Variants in PDE4D observed in about 807,000 individuals in gnomAD.
The protein encoded by PDE4D is phosphodiesterase 4D, also known as 3',5'-cyclic-AMP phosphodiesterase 4D.
PDE4D carries 24 observed loss-of-function variants against 87.4 expected under a neutral mutation model. The observed-to-expected ratio is 0.27, with a 90% confidence interval of 0.20 to 0.39. The LOEUF (loss-of-function observed/expected upper bound fraction) is 0.39, where lower values mean the gene tolerates loss of function less well. Among genes scored for constraint, PDE4D ranks in the 10% least tolerant of loss-of-function variants. The pLI is 1.00. For synonymous variants in PDE4D, 384 were observed against 383.2 expected, an observed-to-expected ratio of 1.00 and a Z score of -0.02; for missense variants, 714 against 1,041.0, an observed-to-expected ratio of 0.69 and a Z score of 4.32.
chr5:59,428,540 G>A (rs1326180286), intron 1 of PDE4D, among the ~76,000 whole-genome samples: 1 of 151,948 alleles, frequency 6.6e-6, no homozygotes, highest in East Asian at 1.9e-4. Flanking sequence ...CTTAGTCCCA[G>A]CAAGCATTCT....
intron 6 of PDE4D, among the ~76,000 whole-genome samples, chr5:59,002,404 G>A (rs1168942698): frequency 1.3e-5 from 2 of 152,038 alleles, no homozygotes; most frequent in Admixed American, 1.3e-4. Context: ...GTGCATGACT[G>A]CTGAGGCTAA....
chr5:60,084,210 G>A (rs544388409), intron 2 of PDE4D, among the ~76,000 whole-genome samples: 2 of 152,160 alleles, frequency 1.3e-5, no homozygotes, highest in South Asian at 4.1e-4. Flanking sequence ...CATAGAAATG[G>A]TGTTTTAAAC....
At chr5:59,742,739 TATC>T (rs1313990276) in intron 1 of PDE4D, among the ~76,000 whole-genome samples, 1 of 152,184 alleles carries the variant, frequency 6.6e-6, no homozygotes, top group African/African-American at 2.4e-5. Context: ...GGAATTCTGT[TATC>T]ATTTTGCATT....
intron 1 of PDE4D, among the ~76,000 whole-genome samples, chr5:60,219,688 G>C (rs753974808): frequency 1.3e-5 from 2 of 152,240 alleles, no homozygotes; most frequent in Middle Eastern, 3.4e-3. Flanking sequence ...GCAAACCAGT[G>C]GTTCTAAACC....
chr5:60,259,827 C>T (rs982127328), intron 1 of PDE4D, among the ~76,000 whole-genome samples: 5 of 152,016 alleles, frequency 3.3e-5, no homozygotes, highest in Non-Finnish European at 7.4e-5. Flanking sequence ...ATAAACTCAT[C>T]CACAGTCAAG....
chr5:60,167,442 G>T (rs1783029472), intron 2 of PDE4D, among the ~76,000 whole-genome samples: 2 of 151,396 alleles, frequency 1.3e-5, no homozygotes, highest in Admixed American at 1.3e-4. Flanking sequence ...CTAATTTTTT[G>T]TATTTTTAGT....
intron 5 of PDE4D, among the ~76,000 whole-genome samples, chr5:59,146,448 T>G (rs1003123275): frequency 2.0e-5 from 3 of 152,136 alleles, no homozygotes; most frequent in African/African-American, 7.2e-5. Flanking sequence ...TTAAAAAAAG[T>G]TCTAGGGTGG....
At chr5:59,471,967 A>G (rs996173284) in intron 1 of PDE4D, among the ~76,000 whole-genome samples, 1 of 152,176 alleles carries the variant, frequency 6.6e-6, no homozygotes, top group African/African-American at 2.4e-5. Flanking sequence ...AATGGTTAAT[A>G]TATAACAATT....
rs2153637856 is a variant in PDE4D at position 59,445,261 on chromosome 5, A to G, written c.456-229293T>C. ...TGCCTATATTTAAATCAAGATAAAT[A>G]AGTCAATTTTAGTGAAGGAAGAATC... is the stretch of plus-strand genomic sequence containing the variant. On this transcript the variant is annotated intron_variant, in intron 1 of 14. Coordinates refer to ENST00000340635, the MANE Select transcript of PDE4D (RefSeq NM_001104631.2). 2.0e-5 allele frequency among the ~76,000 whole-genome samples: 3 copies of G among 152,366 alleles called. No individual in the cohort carries two copies. In the Middle Eastern group the frequency reaches 0.01, roughly 518 times the overall value.
At chr5:59,545,001 C>T (rs980537316) in intron 1 of PDE4D, among the ~76,000 whole-genome samples, 2 of 152,172 alleles carry the variant, frequency 1.3e-5, no homozygotes, top group African/African-American at 2.4e-5. Context: ...TGATTTTATA[C>T]ATTATCATCT....
At chr5:60,162,197 G>A (rs1481415546) in intron 2 of PDE4D, among the ~76,000 whole-genome samples, 1 of 152,078 alleles carries the variant, frequency 6.6e-6, no homozygotes, top group Non-Finnish European at 1.5e-5. Flanking sequence ...TAAAAGAGAC[G>A]TTAGCAAAAT....
At chr5:58,998,661 G>C (rs185216466) in intron 6 of PDE4D, among the ~76,000 whole-genome samples, 2 of 152,084 alleles carry the variant, frequency 1.3e-5, no homozygotes, top group African/African-American at 4.8e-5. Flanking sequence ...CAAAGCAAAC[G>C]ACAAACACTC....
chr5:58,980,033 G>A (rs1330856422), intron 11 of PDE4D, among the ~76,000 whole-genome samples: 1 of 152,140 alleles, frequency 6.6e-6, no homozygotes, highest in Non-Finnish European at 1.5e-5. Context: ...GTGTTAAATG[G>A]TTTATGTGAA....
At chr5:59,789,952 A>G (rs1365898827) in intron 1 of PDE4D, among the ~76,000 whole-genome samples, 1 of 152,222 alleles carries the variant, frequency 6.6e-6, no homozygotes, top group African/African-American at 2.4e-5. Context: ...ATGGAAGTTG[A>G]AAAGCAGGAA....
At chr5:60,249,051 T>C (rs1175618559) in intron 1 of PDE4D, among the ~76,000 whole-genome samples, 3 of 152,042 alleles carry the variant, frequency 2.0e-5, no homozygotes, top group African/African-American at 7.2e-5. Flanking sequence ...GCCTGAGTGA[T>C]AGCAGGAAAT....
intron 2 of PDE4D, among the ~76,000 whole-genome samples, chr5:60,068,290 T>C (rs1772329332): frequency 6.6e-6 from 1 of 152,172 alleles, no homozygotes; most frequent in African/African-American, 2.4e-5. Context: ...TGATATTTCA[T>C]TATAGTTTTA....
intron 5 of PDE4D, among the ~76,000 whole-genome samples, chr5:59,165,905 A>G (rs1408276078): frequency 6.6e-6 from 1 of 152,140 alleles, no homozygotes; most frequent in African/African-American, 2.4e-5. Flanking sequence ...AACTAAGAAC[A>G]GTTGTGGGGA....
intron 1 of PDE4D, among the ~76,000 whole-genome samples, chr5:60,348,165 T>A (rs1485846375): frequency 6.6e-6 from 1 of 152,060 alleles, no homozygotes; most frequent in Non-Finnish European, 1.5e-5. Flanking sequence ...TCAGGGTGAA[T>A]ATAGGGTGAA....
At chr5:59,981,945 G>A (rs1435071) in intron 3 of PDE4D, among the ~76,000 whole-genome samples, 54,723 of 151,820 alleles carry the variant, frequency 0.36, 11,323 homozygotes, top group East Asian at 0.73. Context: ...TTGTACTCAA[G>A]AGCACAAGAT....
Sources: allele counts gnomAD v4.1 joint callset (sites outside exome capture counted in the v4.1 genomes callset), GRCh38; gene constraint gnomAD v4.1.1; transcripts MANE v1.5; gene names NCBI Gene and HGNC (gene_info 2026-07-23, HGNC 2026-07-21).